Variants in CRLS1 observed in about 807,000 individuals in gnomAD.
The protein encoded by CRLS1 is cardiolipin synthase (CMP-forming).
Under a neutral mutation model 37.0 loss-of-function variants are expected in CRLS1, and 24 were observed. That is an observed-to-expected ratio of 0.65 (90% confidence interval 0.47 to 0.91). The LOEUF is 0.91. Among genes scored for constraint, CRLS1 ranks in the 40% least tolerant of loss-of-function variants. The pLI is 0.00. For missense variants in CRLS1, 373 were observed against 395.8 expected, an observed-to-expected ratio of 0.94 and a Z score of 0.49; for synonymous variants, 135 against 159.7, an observed-to-expected ratio of 0.85 and a Z score of 1.17.
chr20:6,037,332 G>C lies in CRLS1; in HGVS notation c.*174G>C, dbSNP rs182481577. ...GCATTGAAAATAAGGTTGATCATGG[G>C]AATATGCAGAATTTCCAATGTATTT... On this transcript the variant is annotated 3_prime_UTR_variant, in exon 7 of 7. Coordinates refer to ENST00000378863, the MANE Select transcript of CRLS1 (RefSeq NM_019095.6). 1.5e-3 allele frequency: 592 copies of C among 394,156 alleles called. 2 individuals are homozygous for C. The highest frequency in any genetic ancestry group is 9.8e-3 in the African/African-American group (478 of 48,626). The allele number at this position is 394,156 out of a possible 1,614,324, so 24.4% of individuals were successfully genotyped here. A position where few individuals can be genotyped will look rare whatever the true frequency, so the allele number is the denominator to read the frequency against.
At chr20:6,017,659 G>T (rs929884213) in intron 3 of CRLS1, among the ~76,000 whole-genome samples, 3 of 152,126 alleles carry the variant, frequency 2.0e-5, no homozygotes, top group African/African-American at 7.2e-5. Context: ...ACAAATTTTA[G>T]AATCAGCTTT....
chr20:6,012,753 G>A (rs1978427914), intron 2 of CRLS1, among the ~76,000 whole-genome samples: 1 of 152,162 alleles, frequency 6.6e-6, no homozygotes, highest in African/African-American at 2.4e-5. Flanking sequence ...GGTTGGATCT[G>A]GGTAAAATCA....
intron 4 of CRLS1, 23 bp from the exon 5 acceptor site, chr20:6,031,989 T>G (rs1568631324): frequency 5.7e-6 from 9 of 1,582,084 alleles, no homozygotes; most frequent in Non-Finnish European, 6.9e-6. Flanking sequence ...TTAATTACTT[T>G]ATCTTTTTTG....
At position 6,009,925 on chromosome 20, in the gene CRLS1, T is replaced by G. The variant is rs763149346; in HGVS notation, c.444+13T>G. On this transcript the variant is annotated intron_variant, in intron 2 of 6. Coordinates refer to ENST00000378863, the MANE Select transcript of CRLS1 (RefSeq NM_019095.6). Reference sequence around the variant, plus strand: ...ACTAACAGATTTGGTAAGTTGTAAATGCACTCCCAGTTTGCTCTCCTTCCA... The same window carrying G: ...ACTAACAGATTTGGTAAGTTGTAAAGGCACTCCCAGTTTGCTCTCCTTCCA... 3 of 1,612,216 alleles carry G rather than the reference T, an allele frequency of 1.9e-6. No individual in the cohort carries two copies. The highest frequency in any genetic ancestry group is 1.7e-5 in the Admixed American group (1 of 59,870).
chr20:6,031,336 T>C lies in CRLS1; in HGVS notation c.626T>C (p.Val209Ala), dbSNP rs202046329. Residue 209 changes from valine to alanine, a missense_variant, in exon 4 of 7, where the codon GTT becomes GCT. Transcript: ENST00000378863. The part of the protein sequence containing the change: ...ISRDVMLIAA[V>A]FYVRYRTLPT... ...AGAGATGTAATGTTGATTGCTGCTG[T>C]TTTTTATGTCAGATACCGAACTCTT... is the stretch of plus-strand genomic sequence containing the variant. 6.8e-5 allele frequency: 109 copies of C among 1,610,000 alleles called. 1 individual carries two copies. The highest frequency in any genetic ancestry group is 3.4e-5 in the Admixed American group (2 of 59,418).
intron 2 of CRLS1, among the ~76,000 whole-genome samples, chr20:6,012,129 G>A (rs188698750): frequency 5.3e-5 from 8 of 151,876 alleles, no homozygotes; most frequent in Admixed American, 5.2e-4. Context: ...GATGATGTTT[G>A]TGGAAACCTA....
In CRLS1 at chr20:6,038,050, C is replaced by T. The variant is rs1980698171; in HGVS notation, c.*892C>T. On this transcript the variant is annotated 3_prime_UTR_variant, in exon 7 of 7. Transcript: ENST00000378863. ...TAAAAGAGCTGGAAAAAAAATTGTA[C>T]CTTCAACTCAGGTTGTTCCATATAA... 6.6e-6 allele frequency: 1 copy of T among 152,192 alleles called. No individual in the cohort carries two copies. The highest frequency in any genetic ancestry group is 1.5e-5 in the Non-Finnish European group (1 of 68,032). The allele number at this position is 152,192 out of a possible 1,614,324, so 9.4% of individuals were successfully genotyped here.
chr20:6,028,754 T>G (rs1979915195), intron 3 of CRLS1: 2 of 152,230 alleles, frequency 1.3e-5, no homozygotes, highest in Admixed American at 6.5e-5. Context: ...TAATAAAATT[T>G]TACTTACAGA....
intron 2 of CRLS1, 24 bp from the exon 3 acceptor site, chr20:6,015,337 A>T (rs1439835990): frequency 6.7e-7 from 1 of 1,496,808 alleles, no homozygotes; most frequent in East Asian, 2.5e-5. Context: ...ATTTATATAT[A>T]TAAAAAAAAA....
At chr20:6,009,982 C>A in intron 2 of CRLS1, 70 bp downstream of exon 2, 1 of 1,462,354 alleles carries the variant, frequency 6.8e-7, no homozygotes, top group Non-Finnish European at 9.2e-7. Flanking sequence ...ACCGAAATAG[C>A]ATAGCCTTAG....
intron 3 of CRLS1, among the ~76,000 whole-genome samples, chr20:6,027,165 C>T (rs1390973817): frequency 1.3e-5 from 2 of 151,520 alleles, no homozygotes; most frequent in Non-Finnish European, 2.9e-5. Context: ...CTCACTGCAA[C>T]CCCCGCCTCC....
chr20:6,034,788 T>G (rs1025056814), intron 6 of CRLS1, among the ~76,000 whole-genome samples: 1 of 152,222 alleles, frequency 6.6e-6, no homozygotes, highest in Middle Eastern at 3.2e-3. Flanking sequence ...TTAAGGGTTT[T>G]GGAGGAAGAG....
In CRLS1 at chr20:6,031,359, C is replaced by T. The variant is rs764608497; in HGVS notation, c.649C>T (p.Leu217Phe). ...AAVFYVRYRT[L>F]PTPRTLAKYF... ...TGTTTTTTATGTCAGATACCGAACTCTTCCAACACCAGTGAGTTTGTTTCC... is the reference window on the plus strand; with the variant it reads ...TGTTTTTTATGTCAGATACCGAACTTTTCCAACACCAGTGAGTTTGTTTCC... The change falls in exon 4 of 7, where the codon CTT (leucine) becomes TTT (phenylalanine). Residue 217 changes from leucine (L) to phenylalanine (F), a missense_variant. Transcript: ENST00000378863. 11 of 1,603,742 alleles carry T rather than the reference C, an allele frequency of 6.9e-6. No homozygotes were observed. Among genetic ancestry groups the T allele is most frequent in the Non-Finnish European group, 9.4e-6 (11 of 1,174,132 alleles).
At chr20:6,007,253 G>A in intron 1 of CRLS1, 1 of 1,531,364 alleles carries the variant, frequency 6.5e-7, no homozygotes, top group East Asian at 2.4e-5. Context: ...GCTTTCATCA[G>A]TTGTACAGCA....
chr20:6,023,877 A>G (rs947318512), intron 3 of CRLS1, among the ~76,000 whole-genome samples: 4 of 152,012 alleles, frequency 2.6e-5, no homozygotes, highest in East Asian at 1.9e-4. Flanking sequence ...TACAGATTCA[A>G]GGTTTGGCAA....
At chr20:6,013,611 G>C (rs2032471672) in intron 2 of CRLS1, among the ~76,000 whole-genome samples, 1 of 152,118 alleles carries the variant, frequency 6.6e-6, no homozygotes, top group South Asian at 2.1e-4. Context: ...TGAGCGAGAG[G>C]GATGGAGTTA....
rs146126109 is a variant in CRLS1, at chr20:6,033,181, G to T, written c.729+1101G>T. Among the ~76,000 whole-genome samples the T allele has an allele frequency of 4.0e-3, 613 of 151,586 alleles. 6 individuals carry two copies. The highest frequency in any genetic ancestry group is 0.013 in the African/African-American group (551 of 41,358). On this transcript the variant is annotated intron_variant, in intron 5 of 6. Coordinates refer to ENST00000378863, the MANE Select transcript of CRLS1 (RefSeq NM_019095.6). Reference sequence around the variant, plus strand: ...TTTTGCTCTTGTTGCCCAGGCTGGAGTGCAATGACGCGATCTTGGCTCACT... The same window carrying T: ...TTTTGCTCTTGTTGCCCAGGCTGGATTGCAATGACGCGATCTTGGCTCACT...
chr20:6,015,631 T>C (rs1382113400), intron 3 of CRLS1, 141 bp downstream of exon 3: 1 of 782,830 alleles, frequency 1.3e-6, no homozygotes, highest in Admixed American at 2.1e-5. Context: ...TTTTAAACTG[T>C]TGAACTGTTT....
chr20:6,025,882 A>C (rs6053834), intron 3 of CRLS1, among the ~76,000 whole-genome samples: 16,555 of 152,222 alleles, frequency 0.11, 1,028 homozygotes, highest in Middle Eastern at 0.21. Flanking sequence ...AATTGCTGCA[A>C]TCTCTTGATA....
Sources: gnomAD v4.1 joint callset for allele counts (sites outside exome capture counted in the v4.1 genomes callset) on GRCh38, gnomAD v4.1.1 for gene constraint, MANE v1.5 for transcripts, NCBI Gene and HGNC (gene_info 2026-07-23, HGNC 2026-07-21) for gene names.